Variants in ADPRM observed in about 807,000 individuals in gnomAD.
The protein encoded by ADPRM is manganese-dependent ADP-ribose/CDP-alcohol diphosphatase.
Under a neutral mutation model 27.2 loss-of-function variants are expected in ADPRM, and 17 were observed. The ratio of observed to expected loss-of-function variants is 0.63; its 90% CI spans 0.43 to 0.94. The LOEUF is 0.94. Among genes scored for constraint, ADPRM ranks in the 40% least tolerant of loss-of-function variants. The probability of loss-of-function intolerance (pLI) is 0.00; values close to 1 mark genes in which losing one functional copy is unlikely to be tolerated. For missense variants in ADPRM, 337 were observed against 412.8 expected (o/e 0.82, Z 1.59); for synonymous variants, 135 against 145.3 (o/e 0.93, Z 0.51).
Position 10,705,292 on chromosome 17 carries a change from A to G in ADPRM, c.366A>G (p.Thr122=). The G allele has an allele frequency of 1.2e-6, 2 of 1,614,062 alleles. No individual in the cohort carries two copies. The highest frequency in any genetic ancestry group is 1.7e-6 in the Non-Finnish European group (2 of 1,179,978). ...EFYNFSREYL[T]HSKLNTKFLE... is the part of the protein sequence containing the mutation. ...ATAACTTCAGTAGAGAGTATTTAAC[A>G]CACTCTAAACTTAACACTAAGTTTC... is the stretch of plus-strand genomic sequence containing the variant. The change falls in exon 2 of 4, where the codon ACA becomes ACG. Residue 122 remains threonine (T), a synonymous_variant. Coordinates refer to ENST00000379774, the MANE Select transcript of ADPRM (RefSeq NM_020233.5). This position sits in a 1 kb window ranked among gnomAD's most constrained non-coding sequence, Gnocchi z 5.4.
rs142410541 is a variant in ADPRM, at chr17:10,704,995, C to T, written c.69C>T (p.Ile23=). ...SSERLFSFGV[I]ADVQFADLED... The stretch of plus-strand genomic sequence containing the variant: ...AGCGTCTTTTCTCCTTTGGCGTCAT[C>T]GCAGATGTTCAATTTGCAGACTTAG... Residue 23 remains isoleucine, a synonymous_variant, in exon 2 of 4, where the codon ATC becomes ATT. Coordinates refer to ENST00000379774, the MANE Select transcript of ADPRM (RefSeq NM_020233.5). The T allele has an allele frequency of 3.8e-4, 607 of 1,614,016 alleles. 3 individuals are homozygous for T. Among genetic ancestry groups the T allele is most frequent in the Non-Finnish European group, 3.2e-4 (372 of 1,180,030 alleles).
intron 1 of ADPRM, among the ~76,000 whole-genome samples, chr17:10,704,070 GT>G (rs2074796583): frequency 6.6e-6 from 1 of 152,086 alleles, no homozygotes; most frequent in East Asian, 1.9e-4. Flanking sequence ...AGGGCTGGGT[GT>G]GGTGTCTCTT....
rs1273677048 is a variant in ADPRM at position 10,705,051 on chromosome 17, G to A, written c.125G>A (p.Arg42Gln). The A allele has an allele frequency of 5.0e-6, 8 of 1,614,092 alleles. No individual in the cohort carries two copies. The highest frequency in any genetic ancestry group is 4.0e-5 in the African/African-American group (3 of 75,012). The change falls in exon 2 of 4, where the codon CGG becomes CAG. Residue 42 changes from arginine (R) to glutamine (Q), a missense_variant. Arg to Gln is a conservative substitution (Grantham distance 43, BLOSUM62 1). Coordinates refer to ENST00000379774, the MANE Select transcript of ADPRM (RefSeq NM_020233.5). This position sits in a 1 kb window ranked among gnomAD's most constrained non-coding sequence, Gnocchi z 5.4. ...GGCTTTAATTTCCAAGGAACCAGGC[G>A]GCGATACTACAGACATAGTCTTCTT... ...EDGFNFQGTR[R>Q]RYYRHSLLHL... is the part of the protein sequence containing the mutation.
Position 10,711,226 on chromosome 17 carries a change from G to T in ADPRM, c.*82G>T. 9.0e-7 allele frequency: 1 copy of T among 1,106,538 alleles called. No homozygotes were observed. The highest frequency in any genetic ancestry group is 2.5e-5 in the East Asian group (1 of 40,194). 68.5% of individuals were successfully genotyped at this position (1,106,538 alleles called of 1,614,324 possible). A position where few individuals can be genotyped will look rare whatever the true frequency, so the allele number is the denominator to read the frequency against. The stretch of plus-strand genomic sequence containing the variant: ...AAAAATAAAAATCCTCTGTCTCATT[G>T]TTTAGTATTCAGCTTGCATAACAAA... On this transcript the variant is annotated 3_prime_UTR_variant, in exon 4 of 4. Transcript: ENST00000379774.
Position 10,697,607 on chromosome 17 carries a change from G to A in ADPRM, c.-78G>A. The stretch of plus-strand genomic sequence containing the variant: ...AGGAGTCGCTCTGTCCGTCCCGCTC[G>A]TTGGTGGCGCTGTTACATAGCCCGT... On this transcript the variant is annotated 5_prime_UTR_variant, in exon 1 of 4. Coordinates refer to ENST00000379774, the MANE Select transcript of ADPRM (RefSeq NM_020233.5). 1 of 1,445,060 alleles carries A rather than the reference G, an allele frequency of 6.9e-7. No individual in the cohort carries two copies. The highest frequency in any genetic ancestry group is 1.8e-5 in the Admixed American group (1 of 54,544). The allele number at this position is 1,445,060 out of a possible 1,614,324, so 89.5% of individuals were successfully genotyped here. A position where few individuals can be genotyped will look rare whatever the true frequency, so the allele number is the denominator to read the frequency against.
At position 10,705,246 on chromosome 17, in the gene ADPRM, C is replaced by T. The variant is rs773081127; in HGVS notation, c.320C>T (p.Thr107Ile). 9.9e-6 allele frequency: 16 copies of T among 1,614,070 alleles called. No individual in the cohort carries two copies. In the East Asian group the frequency reaches 1.6e-4, roughly 16 times the overall value. The change falls in exon 2 of 4, where the codon ACA (threonine) becomes ATA (isoleucine). Residue 107 changes from threonine to isoleucine, a missense_variant. By Grantham distance (89) the Thr-to-Ile change is moderately conservative. Coordinates refer to ENST00000379774, the MANE Select transcript of ADPRM (RefSeq NM_020233.5). This position sits in a 1 kb window ranked among gnomAD's most constrained non-coding sequence, Gnocchi z 5.4. Reference protein sequence around the residue: ...FKRLKVPVHHTWGNHEFYNFS... With the variant: ...FKRLKVPVHHIWGNHEFYNFS... Reference sequence around the variant, plus strand: ...AGGCTTAAAGTTCCAGTTCATCATACATGGGGAAACCATGAATTCTATAAC... The same window carrying T: ...AGGCTTAAAGTTCCAGTTCATCATATATGGGGAAACCATGAATTCTATAAC...
chr17:10,709,149 G>A (rs998839197), intron 3 of ADPRM, among the ~76,000 whole-genome samples: 2 of 152,146 alleles, frequency 1.3e-5, no homozygotes, highest in Non-Finnish European at 1.5e-5. Context: ...AATTTTGGCC[G>A]TGCAGTTGGA....
chr17:10,710,683 C>T, intron 3 of ADPRM, 151 bp from the exon 4 acceptor site: 2 of 697,508 alleles, frequency 2.9e-6, no homozygotes, highest in Non-Finnish European at 4.7e-6. Context: ...GCCTAGTTTT[C>T]TTGTGTGTGA....
intron 1 of ADPRM, 69 bp from the exon 2 acceptor site, chr17:10,704,841 C>A: frequency 7.7e-7 from 1 of 1,301,652 alleles, no homozygotes; most frequent in Non-Finnish European, 1.1e-6. Context: ...TTCCCTTTAT[C>A]ATTTTCTTAA....
chr17:10,699,409 A>G (rs957875803), intron 1 of ADPRM: 1 of 152,174 alleles, frequency 6.6e-6, no homozygotes, highest in Non-Finnish European at 1.5e-5. Flanking sequence ...AGGCGCCTAC[A>G]GTGTTATCCC....
In ADPRM at chr17:10,697,658, C is replaced by G. The variant is rs904582391; in HGVS notation, c.-27C>G. 3.1e-6 allele frequency: 3 copies of G among 972,276 alleles called. No homozygotes were observed. Among genetic ancestry groups the G allele is most frequent in the Non-Finnish European group, 4.7e-6 (3 of 633,662 alleles). 60.2% of individuals were successfully genotyped at this position (972,276 alleles called of 1,614,324 possible). A position where few individuals can be genotyped will look rare whatever the true frequency, so the allele number is the denominator to read the frequency against. On this transcript the variant is annotated 5_prime_UTR_variant, in exon 1 of 4. Transcript: ENST00000379774. Reference sequence around the variant, plus strand: ...AGTCAGAGGCCTTTCAGCCCAGGGGCCGGCGCACGGTAGGTAGTTCCCTGC... The same window carrying G: ...AGTCAGAGGCCTTTCAGCCCAGGGGGCGGCGCACGGTAGGTAGTTCCCTGC...
rs1432730693 is a variant in ADPRM at position 10,697,741 on chromosome 17, G to GCCC, written c.-18+75_-18+76insCCC. 1.4e-3 allele frequency: 857 copies of GCCC among 611,060 alleles called. 3 individuals carry two copies. The highest frequency in any genetic ancestry group is 0.014 in the African/African-American group (746 of 54,208). 37.9% of individuals were successfully genotyped at this position (611,060 alleles called of 1,614,324 possible). A position where few individuals can be genotyped will look rare whatever the true frequency, so the allele number is the denominator to read the frequency against. ...TGCTGCGGGGCCGCGGGACAGCGGAGCGCCGGGAAGGGGGCTGCCTTAGGG... is the reference window on the plus strand; with the variant it reads ...TGCTGCGGGGCCGCGGGACAGCGGAGCCCCGCCGGGAAGGGGGCTGCCTTAGGG... On this transcript the variant is annotated intron_variant, in intron 1 of 3. Transcript: ENST00000379774.
At chr17:10,704,447 CA>C (rs1426780706) in intron 1 of ADPRM, among the ~76,000 whole-genome samples, 2 of 88,630 alleles carry the variant, frequency 2.3e-5, no homozygotes, top group Non-Finnish European at 4.2e-5. Flanking sequence ...GAACCTTTTA[CA>C]AAGTACATAC....
intron 3 of ADPRM, among the ~76,000 whole-genome samples, chr17:10,708,445 A>AC (rs2074829189): frequency 2.0e-5 from 3 of 151,040 alleles, no homozygotes; most frequent in East Asian, 1.9e-4. Flanking sequence ...AAAAAAAAAA[A>AC]AAAAACCTTT....
intron 3 of ADPRM, among the ~76,000 whole-genome samples, chr17:10,709,170 T>C (rs2074833814): frequency 6.6e-6 from 1 of 152,202 alleles, no homozygotes. Context: ...AGGATAGAAT[T>C]GCCATTAGCT....
chr17:10,705,112 AAGC>A lies in ADPRM; in HGVS notation c.191_193del (p.Ser64del). On this transcript the variant is annotated inframe_deletion, in exon 2 of 4. Transcript: ENST00000379774. The surrounding 1 kb of genome is among the most constrained non-coding windows in gnomAD (Gnocchi z 5.4). ...GTGCCATTGAAGACTGGAATAATGA[AAGC>A]AGCATGCCCTGTTGTGTCCTTCAGC... 6.2e-7 allele frequency: 1 copy of A among 1,614,134 alleles called. No homozygotes were observed. The highest frequency in any genetic ancestry group is 8.5e-7 in the Non-Finnish European group (1 of 1,180,014).
At chr17:10,701,385 C>T (rs955436398) in intron 1 of ADPRM, among the ~76,000 whole-genome samples, 1 of 151,698 alleles carries the variant, frequency 6.6e-6, no homozygotes, top group Non-Finnish European at 1.5e-5. Context: ...GGCTGGAGTG[C>T]AGTGGCGCGA....
chr17:10,711,163 G>C lies in ADPRM; in HGVS notation c.*19G>C, dbSNP rs1249050510. On this transcript the variant is annotated 3_prime_UTR_variant, in exon 4 of 4. Transcript: ENST00000379774. ...TTGTTAGTCTAATTTATTTTAACTT[G>C]ATAGAAAATGAGCTTTGTGTTTGTC... 6.4e-7 allele frequency: 1 copy of C among 1,565,208 alleles called. No homozygotes were observed. The highest frequency in any genetic ancestry group is 1.2e-5 in the South Asian group (1 of 85,448).
Position 10,705,774 on chromosome 17 carries a change from T to C in ADPRM, c.601+247T>C. The stretch of plus-strand genomic sequence containing the variant: ...GGTAGATATTCCGAGCTGTAAACAA[T>C]ACTAACAATATTACTTTTTTGATGG... On this transcript the variant is annotated intron_variant, in intron 2 of 3. Transcript: ENST00000379774. This position sits in a 1 kb window ranked among gnomAD's most constrained non-coding sequence, Gnocchi z 5.4. 1 of 527,366 alleles carries C rather than the reference T, an allele frequency of 1.9e-6. No individual in the cohort carries two copies. Among genetic ancestry groups the C allele is most frequent in the East Asian group, 3.5e-5 (1 of 28,884 alleles). 32.7% of individuals were successfully genotyped at this position (527,366 alleles called of 1,614,324 possible). A position where few individuals can be genotyped will look rare whatever the true frequency, so the allele number is the denominator to read the frequency against.
Sources: gnomAD v4.1 joint callset for allele counts (sites outside exome capture counted in the v4.1 genomes callset) on GRCh38, gnomAD v4.1.1 for gene constraint, Gnocchi (gnomAD v3.1) non-coding constraint, MANE v1.5 for transcripts, NCBI Gene and HGNC (gene_info 2026-07-23, HGNC 2026-07-21) for gene names.